The following PLCB1 variants were observed in gnomAD, a reference collection of about 807,000 sequenced individuals.
PLCB1 encodes the protein 1-phosphatidylinositol 4,5-bisphosphate phosphodiesterase beta-1.
PLCB1 carries 46 observed loss-of-function variants against 161.8 expected under a neutral mutation model. That is an observed-to-expected ratio of 0.28 (90% CI 0.22 to 0.36). PLCB1 has a LOEUF of 0.36. Among genes scored for constraint, PLCB1 ranks in the 10% least tolerant of loss-of-function variants. The pLI, the probability that PLCB1 is intolerant of heterozygous loss-of-function variation, is 1.00. For missense variants in PLCB1, 1,016 were observed against 1,472.5 expected (o/e 0.69, Z 5.07); for synonymous variants, 517 against 503.7 (o/e 1.03, Z -0.35).
intron 3 of PLCB1, among the ~76,000 whole-genome samples, chr20:8,625,720 A>T (rs1033593804): frequency 6.6e-6 from 1 of 151,544 alleles, no homozygotes; most frequent in Non-Finnish European, 1.5e-5. Flanking sequence ...ACCTTTTTAA[A>T]TTTTTTTTTC....
intron 3 of PLCB1, among the ~76,000 whole-genome samples, chr20:8,558,690 G>A (rs967522929): frequency 6.6e-6 from 1 of 151,818 alleles, no homozygotes; most frequent in Non-Finnish European, 1.5e-5. Context: ...ATTAGCAAGA[G>A]AGTTGCAATT....
intron 2 of PLCB1, among the ~76,000 whole-genome samples, chr20:8,317,320 T>C (rs1984704102): frequency 6.6e-6 from 1 of 152,124 alleles, no homozygotes. Context: ...ATCCCCAGAA[T>C]GGATGATTCT....
At chr20:8,783,667 G>A (rs750609667) in intron 27 of PLCB1, among the ~76,000 whole-genome samples, 2 of 152,122 alleles carry the variant, frequency 1.3e-5, no homozygotes, top group Non-Finnish European at 2.9e-5. Context: ...ATAAGAAAGG[G>A]GGCTGTCCAA....
At chr20:8,863,562 A>C (rs2146315972) in intron 31 of PLCB1, among the ~76,000 whole-genome samples, 1 of 152,338 alleles carries the variant, frequency 6.6e-6, no homozygotes, top group Middle Eastern at 3.4e-3. Context: ...ATGTGTTTCT[A>C]ACAAGATCCC....
At chr20:8,136,453 C>A (rs1428398905) in intron 1 of PLCB1, among the ~76,000 whole-genome samples, 1 of 151,968 alleles carries the variant, frequency 6.6e-6, no homozygotes, top group Non-Finnish European at 1.5e-5. Flanking sequence ...GGTGAAACCC[C>A]CTCTCTACTA....
intron 3 of PLCB1, among the ~76,000 whole-genome samples, chr20:8,541,210 G>A (rs1246588620): frequency 6.6e-6 from 1 of 152,094 alleles, no homozygotes; most frequent in Non-Finnish European, 1.5e-5. Flanking sequence ...TTGGTATTTG[G>A]GTTTCAACAT....
At chr20:8,444,856 A>T (rs1212675612) in intron 3 of PLCB1, among the ~76,000 whole-genome samples, 1 of 149,608 alleles carries the variant, frequency 6.7e-6, no homozygotes, top group Non-Finnish European at 1.5e-5. Context: ...TCTTTTGAGA[A>T]GTGTCTGTTT....
chr20:8,453,193 C>T (rs766306672), intron 3 of PLCB1, among the ~76,000 whole-genome samples: 5 of 152,228 alleles, frequency 3.3e-5, no homozygotes, highest in Non-Finnish European at 5.9e-5. Flanking sequence ...AAGAGGCCCC[C>T]GGCCATGAGT....
At chr20:8,722,445 C>G in intron 15 of PLCB1, 24 bp downstream of exon 15, 1 of 1,569,666 alleles carries the variant, frequency 6.4e-7, no homozygotes, top group Middle Eastern at 1.7e-4. Flanking sequence ...GCTTCTGGTC[C>G]CTAAGGCATT....
intron 11 of PLCB1, among the ~76,000 whole-genome samples, chr20:8,703,869 C>A (rs569078428): frequency 6.6e-6 from 1 of 152,084 alleles, no homozygotes; most frequent in Non-Finnish European, 1.5e-5. Flanking sequence ...AAGGAAGATA[C>A]GAGAGAGATT....
At chr20:8,289,919 G>C (rs1199842845) in intron 2 of PLCB1, among the ~76,000 whole-genome samples, 1 of 152,154 alleles carries the variant, frequency 6.6e-6, no homozygotes, top group Non-Finnish European at 1.5e-5. Context: ...GATGATGGCA[G>C]TTATAATTTC....
At chr20:8,257,339 AAAAG>A (rs1323033121) in intron 2 of PLCB1, among the ~76,000 whole-genome samples, 10 of 152,206 alleles carry the variant, frequency 6.6e-5, no homozygotes, top group Non-Finnish European at 1.0e-4. Flanking sequence ...GAGAAAATGA[AAAAG>A]AAAATTAGAA....
intron 3 of PLCB1, among the ~76,000 whole-genome samples, chr20:8,487,905 G>A (rs565513666): frequency 6.6e-6 from 1 of 152,244 alleles, no homozygotes; most frequent in African/African-American, 2.4e-5. Flanking sequence ...CCTCCCAGGG[G>A]TGGCACACAG....
At chr20:8,163,438 T>C (rs1338545251) in intron 2 of PLCB1, among the ~76,000 whole-genome samples, 1 of 152,188 alleles carries the variant, frequency 6.6e-6, no homozygotes, top group Admixed American at 6.5e-5. Flanking sequence ...AAGCTGTCCG[T>C]TGGCATACAT....
chr20:8,250,045 T>A (rs964687190), intron 2 of PLCB1, among the ~76,000 whole-genome samples: 2 of 151,940 alleles, frequency 1.3e-5, no homozygotes, highest in Non-Finnish European at 1.5e-5. Flanking sequence ...TCACTTCAAT[T>A]CCTGACTTAG....
At chr20:8,187,863 G>GTGT (rs917253211) in intron 2 of PLCB1, among the ~76,000 whole-genome samples, 8 of 152,028 alleles carry the variant, frequency 5.3e-5, no homozygotes, top group Admixed American at 2.6e-4. Flanking sequence ...GGTGGTGGTG[G>GTGT]TGTTATGTGT....
At chr20:8,249,280 G>C (rs182195241) in intron 2 of PLCB1, among the ~76,000 whole-genome samples, 23 of 152,030 alleles carry the variant, frequency 1.5e-4, no homozygotes, top group Admixed American at 3.9e-4. Context: ...TTATATTTGT[G>C]AAAAGATGAT....
intron 7 of PLCB1, among the ~76,000 whole-genome samples, chr20:8,655,167 T>C (rs1430517229): frequency 6.6e-6 from 1 of 152,148 alleles, no homozygotes; most frequent in Non-Finnish European, 1.5e-5. Flanking sequence ...TAAACAATGC[T>C]AAGATTTTAG....
rs150624448 is a variant in PLCB1, at chr20:8,175,438, A to T, written c.177+25067A>T. ...ACAAGTGATGATGGAGACATTGGAT[A>T]TTCATAGGCAAAAAATAAGTAAAAA... On this transcript the variant is annotated intron_variant, in intron 2 of 31. Coordinates refer to ENST00000338037, the MANE Select transcript of PLCB1 (RefSeq NM_015192.4). Among the ~76,000 whole-genome samples, 367 of 143,360 alleles carry T rather than the reference A, an allele frequency of 2.6e-3. 2 individuals are homozygous for T. The highest frequency in any genetic ancestry group is 9.3e-3 in the African/African-American group (351 of 37,766). 94.0% of individuals were successfully genotyped at this position (143,360 alleles called of 152,430 possible). A position where few individuals can be genotyped will look rare whatever the true frequency, so the allele number is the denominator to read the frequency against.
Sources: gnomAD v4.1 joint callset for allele counts (sites outside exome capture counted in the v4.1 genomes callset) on GRCh38, gnomAD v4.1.1 for gene constraint, MANE v1.5 for transcripts, NCBI Gene and HGNC (gene_info 2026-07-23, HGNC 2026-07-21) for gene names.